MAGI1: variants seen among roughly 807,000 people sequenced by gnomAD.
MAGI1 encodes membrane-associated guanylate kinase, WW and PDZ domain-containing protein 1.
MAGI1 carries 58 observed loss-of-function variants against 139.9 expected under a neutral mutation model. The observed-to-expected ratio is 0.41, with a 90% CI of 0.34 to 0.52. MAGI1 has a LOEUF of 0.52. MAGI1 is among the 20% of genes least tolerant of loss of function. The pLI, the probability that MAGI1 is intolerant of heterozygous loss-of-function variation, is 0.12. For synonymous variants in MAGI1, 812 were observed against 737.9 expected (o/e 1.10, Z -1.63); for missense variants, 1,874 against 1,901.6 (o/e 0.99, Z 0.27).
chr3:65,919,893 A>G (rs264694), intron 1 of MAGI1, among the ~76,000 whole-genome samples: 116,521 of 152,052 alleles, frequency 0.77, 45,927 homozygotes, highest in East Asian at 0.98. Flanking sequence ...CCATCATCTT[A>G]ACCCCTTTTA....
chr3:65,814,653 G>A (rs264119), intron 1 of MAGI1, among the ~76,000 whole-genome samples: 2,646 of 152,246 alleles, frequency 0.017, 38 homozygotes, highest in Middle Eastern at 0.065. Flanking sequence ...AACAACCCCA[G>A]CAGACTATCT....
At chr3:65,661,291 GA>G (rs1339804093) in intron 1 of MAGI1, among the ~76,000 whole-genome samples, 1 of 152,178 alleles carries the variant, frequency 6.6e-6, no homozygotes, top group Non-Finnish European at 1.5e-5. Flanking sequence ...ATTACAGAAT[GA>G]GTGATTTCCT....
intron 1 of MAGI1, among the ~76,000 whole-genome samples, chr3:65,691,508 A>G (rs2088652751): frequency 1.3e-5 from 2 of 152,024 alleles, no homozygotes; most frequent in Admixed American, 1.3e-4. Flanking sequence ...TTCTTTGACC[A>G]CATAACTTCC....
At chr3:65,828,254 T>C (rs2042335406) in intron 1 of MAGI1, among the ~76,000 whole-genome samples, 1 of 152,146 alleles carries the variant, frequency 6.6e-6, no homozygotes, top group Non-Finnish European at 1.5e-5. Flanking sequence ...AGGAGGACCA[T>C]CAGGTTCTGT....
At chr3:65,774,411 C>T (rs1393909497) in intron 1 of MAGI1, among the ~76,000 whole-genome samples, 1 of 152,152 alleles carries the variant, frequency 6.6e-6, no homozygotes, top group Non-Finnish European at 1.5e-5. Flanking sequence ...CTGTATCCCT[C>T]TTGGATAATT....
chr3:65,707,879 G>T (rs1378430622), intron 1 of MAGI1, among the ~76,000 whole-genome samples: 1 of 152,044 alleles, frequency 6.6e-6, no homozygotes, highest in Non-Finnish European at 1.5e-5. Flanking sequence ...AAATTAGGAG[G>T]TCGCTAAAAA....
chr3:65,469,822 T>A (rs1444449242), intron 5 of MAGI1: 3 of 150,950 alleles, frequency 2.0e-5, no homozygotes, highest in African/African-American at 4.8e-5. Context: ...AGGAATTATA[T>A]CCAGAATATA....
At chr3:65,903,596 C>G (rs1477295851) in intron 1 of MAGI1, among the ~76,000 whole-genome samples, 1 of 152,180 alleles carries the variant, frequency 6.6e-6, no homozygotes, top group Non-Finnish European at 1.5e-5. Context: ...ATCAGTTTCC[C>G]TAAGACAGAG....
At chr3:65,703,317 T>C (rs751363494) in intron 1 of MAGI1, among the ~76,000 whole-genome samples, 1 of 152,178 alleles carries the variant, frequency 6.6e-6, no homozygotes, top group Non-Finnish European at 1.5e-5. Context: ...GACCCATGAC[T>C]GGCCAGTCAA....
chr3:65,471,314 A>G (rs560620611), intron 4 of MAGI1, among the ~76,000 whole-genome samples: 1 of 152,302 alleles, frequency 6.6e-6, no homozygotes, highest in East Asian at 1.9e-4. Flanking sequence ...TTAAATGTCA[A>G]TCTCCACAGG....
intron 1 of MAGI1, among the ~76,000 whole-genome samples, chr3:65,966,627 G>T (rs1371198342): frequency 6.6e-6 from 1 of 152,040 alleles, no homozygotes; most frequent in African/African-American, 2.4e-5. Context: ...GGGGAGAGTG[G>T]GGGCGCGGCC....
intron 1 of MAGI1, among the ~76,000 whole-genome samples, chr3:65,943,124 G>C (rs546568656): frequency 6.6e-6 from 1 of 152,208 alleles, no homozygotes; most frequent in Admixed American, 6.5e-5. Context: ...CTTGTTATTT[G>C]ATGGAGAAAT....
In MAGI1 at chr3:65,361,250, G is replaced by A. The variant is rs760886450; in HGVS notation, c.3583C>T (p.Arg1195Cys). 27 of 1,613,942 alleles carry A rather than the reference G, an allele frequency of 1.7e-5. No homozygotes were observed. Among genetic ancestry groups the A allele is most frequent in the Middle Eastern group, 3.3e-4 (2 of 6,082 alleles). ...CGCTTCAGAAACAGACGAACTCTGCGGCCACCATTCTTAATCAGTTCTATA... is the reference window on the plus strand; with the variant it reads ...CGCTTCAGAAACAGACGAACTCTGCAGCCACCATTCTTAATCAGTTCTATA... The part of the protein sequence containing the change: ...RAIELIKNGG[R>C]RVRLFLKRGD... The change falls in exon 22 of 23, where the codon CGC becomes TGC. Residue 1195 changes from arginine (R) to cysteine (C), a missense_variant. Coordinates refer to ENST00000402939, the MANE Select transcript of MAGI1 (RefSeq NM_001033057.2).
chr3:65,887,000 A>C (rs1394220191), intron 1 of MAGI1, among the ~76,000 whole-genome samples: 1 of 152,184 alleles, frequency 6.6e-6, no homozygotes, highest in Admixed American at 6.5e-5. Flanking sequence ...TACCTAGTTA[A>C]TGTCAAAGGC....
At chr3:65,487,831 G>C (rs998043132) in intron 3 of MAGI1, among the ~76,000 whole-genome samples, 8 of 152,182 alleles carry the variant, frequency 5.3e-5, no homozygotes, top group Non-Finnish European at 1.2e-4. Context: ...CAGCTGGTGA[G>C]GACAGAGATC....
intron 1 of MAGI1, among the ~76,000 whole-genome samples, chr3:65,772,676 G>A (rs770047148): frequency 6.6e-6 from 1 of 152,214 alleles, no homozygotes; most frequent in African/African-American, 2.4e-5. Flanking sequence ...ACAGCATAAG[G>A]ATAAGCTTCA....
At chr3:65,519,448 C>T (rs1217880135) in intron 2 of MAGI1, among the ~76,000 whole-genome samples, 2 of 151,776 alleles carry the variant, frequency 1.3e-5, no homozygotes, top group African/African-American at 4.8e-5. Context: ...TGCAGTGGTG[C>T]GATCTTGGCT....
chr3:65,888,504 C>A (rs940404888), intron 1 of MAGI1, among the ~76,000 whole-genome samples: 1 of 152,130 alleles, frequency 6.6e-6, no homozygotes, highest in Admixed American at 6.5e-5. Flanking sequence ...CAAGTTACCA[C>A]TGGCAGATGT....
chr3:65,627,882 C>T (rs1559734441), intron 1 of MAGI1, among the ~76,000 whole-genome samples: 1 of 152,122 alleles, frequency 6.6e-6, no homozygotes, highest in Admixed American at 6.5e-5. Context: ...GCTTTTCTCA[C>T]CCACATGAGT....
Sources: gnomAD v4.1 joint callset for allele counts (sites outside exome capture counted in the v4.1 genomes callset) on GRCh38, gnomAD v4.1.1 for gene constraint, MANE v1.5 for transcripts, NCBI Gene and HGNC (gene_info 2026-07-23, HGNC 2026-07-21) for gene names.